Variants in CDH23 observed in about 807,000 individuals in gnomAD.
CDH23 encodes cadherin related 23.
CDH23 carries 189 observed loss-of-function variants against 317.1 expected under a neutral mutation model. The ratio of observed to expected loss-of-function variants is 0.60; its 90% confidence interval spans 0.53 to 0.67. The LOEUF (loss-of-function observed/expected upper bound fraction) is 0.67, where lower values mean the gene tolerates loss of function less well. Ranked by LOEUF, CDH23 falls within the 30% of genes least tolerant of loss-of-function variation. CDH23 has a pLI of 0.00. For missense variants in CDH23, 4,401 were observed against 4,592.4 expected (o/e 0.96, Z 1.20); for synonymous variants, 1,839 against 1,876.8 (o/e 0.98, Z 0.52).
intron 25 of CDH23, 42 bp from the exon 26 acceptor site, chr10:71,706,855 G>A: frequency 6.4e-7 from 1 of 1,551,756 alleles, no homozygotes. Flanking sequence ...GTCTTCTGCG[G>A]CAGAAGCCAG....
chr10:71,493,981 C>T (rs1162165831), intron 3 of CDH23, among the ~76,000 whole-genome samples: 1 of 152,168 alleles, frequency 6.6e-6, no homozygotes, highest in Non-Finnish European at 1.5e-5. Context: ...GAATAGCAAT[C>T]TATGATGATG....
intron 24 of CDH23, 136 bp from the exon 25 acceptor site, chr10:71,704,775 C>T: frequency 2.8e-6 from 2 of 724,928 alleles, no homozygotes; most frequent in East Asian, 5.4e-5. Flanking sequence ...GTGGCCTGGC[C>T]TAAGGCTTGG....
At chr10:71,689,838 C>T (rs1194777295) in intron 19 of CDH23, among the ~76,000 whole-genome samples, 1 of 152,184 alleles carries the variant, frequency 6.6e-6, no homozygotes. Flanking sequence ...CGGACCTCCT[C>T]ACCACTGGGC....
intron 14 of CDH23, among the ~76,000 whole-genome samples, chr10:71,660,271 T>C (rs1277528192): frequency 6.6e-6 from 1 of 152,102 alleles, no homozygotes; most frequent in Non-Finnish European, 1.5e-5. Flanking sequence ...TGAGCTATGA[T>C]TTTGAATAGG....
chr10:71,476,030 G>A (rs1229477278), intron 3 of CDH23, among the ~76,000 whole-genome samples: 1 of 152,190 alleles, frequency 6.6e-6, no homozygotes, highest in East Asian at 1.9e-4. Context: ...TTCATGTGGA[G>A]CCCCCACCTC....
chr10:71,670,169 G>A (rs1443722713), intron 14 of CDH23, among the ~76,000 whole-genome samples: 1 of 152,204 alleles, frequency 6.6e-6, no homozygotes, highest in African/African-American at 2.4e-5. Flanking sequence ...GGGCCAGGGT[G>A]TTGGAGGTGC....
chr10:71,569,344 C>T (rs755961740), intron 7 of CDH23, among the ~76,000 whole-genome samples: 19 of 152,228 alleles, frequency 1.2e-4, no homozygotes, highest in Admixed American at 6.5e-5. Context: ...AGGCACCAGG[C>T]TTCTTGGAAC....
chr10:71,777,917 C>G lies in CDH23; in HGVS notation c.5067+16C>G. On this transcript the variant is annotated intron_variant, in intron 39 of 69. Coordinates refer to ENST00000224721, the MANE Select transcript of CDH23 (RefSeq NM_022124.6). The stretch of plus-strand genomic sequence containing the variant: ...CAGACACATGGTCAGCAGCTGATGG[C>G]AGGATCAAGACAAGGGGCGAAACCT... 6.2e-7 allele frequency: 1 copy of G among 1,613,254 alleles called. No individual in the cohort carries two copies. Among genetic ancestry groups the G allele is most frequent in the Non-Finnish European group, 8.5e-7 (1 of 1,179,386 alleles).
intron 3 of CDH23, among the ~76,000 whole-genome samples, chr10:71,495,354 G>A (rs951364644): frequency 6.6e-6 from 1 of 152,102 alleles, no homozygotes; most frequent in Non-Finnish European, 1.5e-5. Flanking sequence ...CAGGGCAGAA[G>A]GGAGGTTGTC....
At chr10:71,810,320 G>A (rs1163289377) in intron 61 of CDH23, among the ~76,000 whole-genome samples, 152 bp from the exon 62 acceptor site, 5 of 152,222 alleles carry the variant, frequency 3.3e-5, no homozygotes, top group Non-Finnish European at 7.4e-5. Flanking sequence ...GAAGTGATTG[G>A]CACCGTGCCT....
At chr10:71,744,616 C>A (rs1456693488) in intron 38 of CDH23, among the ~76,000 whole-genome samples, 2 of 152,204 alleles carry the variant, frequency 1.3e-5, no homozygotes, top group Non-Finnish European at 2.9e-5. Context: ...ACATGTCAGC[C>A]CCTGACATTC....
chr10:71,795,726 T>G, intron 48 of CDH23: 1 of 184,048 alleles, frequency 5.4e-6, no homozygotes, highest in Non-Finnish European at 8.4e-6. Flanking sequence ...TCCCACCCCG[T>G]CAGCTCTGAG....
intron 6 of CDH23, among the ~76,000 whole-genome samples, chr10:71,557,312 G>A (rs759793739): frequency 1.3e-5 from 2 of 152,058 alleles, no homozygotes; most frequent in Admixed American, 1.3e-4. Context: ...CATATTCAAA[G>A]TATATTGAGT....
intron 1 of CDH23, among the ~76,000 whole-genome samples, chr10:71,412,468 T>C (rs1190610839): frequency 6.6e-6 from 1 of 152,208 alleles, no homozygotes; most frequent in Non-Finnish European, 1.5e-5. Context: ...TTACCAACAC[T>C]TATTATTTTA....
Position 71,695,485 on chromosome 10 carries a change from A to C in CDH23, c.2357A>C (p.Asn786Thr). Residue 786 changes from asparagine to threonine, a missense_variant, in exon 22 of 70, where the codon AAC becomes ACC. Asn to Thr is a moderately conservative substitution (Grantham distance 65). Coordinates refer to ENST00000224721, the MANE Select transcript of CDH23 (RefSeq NM_022124.6). Reference protein sequence around the residue: ...PTWKDAPYYINLVEMTPPDSD... With the variant: ...PTWKDAPYYITLVEMTPPDSD... The stretch of plus-strand genomic sequence containing the variant: ...TGGAAGGACGCACCCTACTACATCA[A>C]CCTGGTGGAGATGACCCCTCCAGAC... 1 of 1,613,426 alleles carries C rather than the reference A, an allele frequency of 6.2e-7. No homozygotes were observed. Among genetic ancestry groups the C allele is most frequent in the Non-Finnish European group, 8.5e-7 (1 of 1,179,428 alleles).
At chr10:71,808,035 T>C in intron 60 of CDH23, 28 bp downstream of exon 60, 1 of 1,563,174 alleles carries the variant, frequency 6.4e-7, no homozygotes, top group African/African-American at 1.4e-5. Flanking sequence ...ATGAGTGGCC[T>C]CTAGCCATGA....
intron 3 of CDH23, among the ~76,000 whole-genome samples, chr10:71,472,662 G>A (rs759177310): frequency 3.3e-5 from 5 of 152,208 alleles, no homozygotes; most frequent in Admixed American, 6.5e-5. Context: ...ACTCCACAGC[G>A]AAGCGAGGCC....
intron 11 of CDH23, among the ~76,000 whole-genome samples, chr10:71,627,397 GAA>G (rs1861790658): frequency 1.3e-5 from 2 of 151,884 alleles, no homozygotes; most frequent in African/African-American, 4.8e-5. Flanking sequence ...TGATGATGAT[GAA>G]GATTTTTCTG....
At chr10:71,623,576 T>A (rs1398924662) in intron 11 of CDH23, among the ~76,000 whole-genome samples, 2 of 152,262 alleles carry the variant, frequency 1.3e-5, no homozygotes, top group East Asian at 3.9e-4. Flanking sequence ...TGTGTTGAAA[T>A]GTGCAGGGTG....
Sources: allele counts gnomAD v4.1 joint callset (sites outside exome capture counted in the v4.1 genomes callset), GRCh38; gene constraint gnomAD v4.1.1; transcripts MANE v1.5; gene names NCBI Gene and HGNC (gene_info 2026-07-23, HGNC 2026-07-21).